The following ARPC5L variants were observed in gnomAD, a reference collection of about 807,000 sequenced individuals.
ARPC5L encodes actin-related protein 2/3 complex subunit 5-like protein.
In ARPC5L, 4 loss-of-function variants were observed where a neutral mutation model predicts 16.9. The observed-to-expected ratio is 0.24, with a 90% confidence interval of 0.12 to 0.54. ARPC5L has a LOEUF of 0.54. Among genes scored for constraint, ARPC5L ranks in the 20% least tolerant of loss-of-function variants. The pLI, the probability that ARPC5L is intolerant of heterozygous loss-of-function variation, is 0.95. For synonymous variants in ARPC5L, 78 were observed against 82.6 expected (o/e 0.94, Z 0.30); for missense variants, 151 against 201.9 (o/e 0.75, Z 1.53).
chr9:124,874,707 TTCTCTCTC>T (rs35052557), intron 4 of ARPC5L, among the ~76,000 whole-genome samples: 6 of 149,474 alleles, frequency 4.0e-5, no homozygotes, highest in African/African-American at 9.8e-5. Context: ...CTCTTTTCTC[TTCTCTCTC>T]TCTCTCTCTC....
In ARPC5L at chr9:124,869,432, C is replaced by T. The variant is rs1231616088; in HGVS notation, c.142C>T (p.Leu48=). 9 of 1,483,072 alleles carry T rather than the reference C, an allele frequency of 6.1e-6. No homozygotes were observed. Among genetic ancestry groups the T allele is most frequent in the African/African-American group, 4.4e-5 (3 of 67,924 alleles). The allele number at this position is 1,483,072 out of a possible 1,614,324, so 91.9% of individuals were successfully genotyped here. Residue 48 remains leucine, a synonymous_variant, in exon 3 of 6, where the codon CTG becomes TTG. Coordinates refer to ENST00000353214, the MANE Select transcript of ARPC5L (RefSeq NM_030978.3). ...GPDPSEVDGL[L]RQGDMLRAFH... is the part of the protein sequence containing the mutation. ...GGACCCGAGCGAGGTGGACGGGCTC[C>T]TGCGGCAATATCCTTCCCTGACGCG...
intron 3 of ARPC5L, among the ~76,000 whole-genome samples, chr9:124,869,984 C>T (rs1250755104): frequency 6.6e-6 from 1 of 152,170 alleles, no homozygotes; most frequent in East Asian, 1.9e-4. Flanking sequence ...AGGCGGCCGC[C>T]GTATTTCAGC....
chr9:124,872,094 G>A (rs1265035930), intron 3 of ARPC5L, among the ~76,000 whole-genome samples: 2 of 152,206 alleles, frequency 1.3e-5, no homozygotes, highest in African/African-American at 2.4e-5. Context: ...AATGGGCCGA[G>A]TGATTGCTGG....
Position 124,869,522 on chromosome 9 carries a change from C to T in ARPC5L, c.149+83C>T, listed in dbSNP as rs754893652. On this transcript the variant is annotated intron_variant, in intron 3 of 5. Transcript: ENST00000353214. ...TCCCACCTTCTCGGGCCCTTTCGGG[C>T]GGGCCTCCCCTGTCTCCGACCCTTG... 43 of 1,392,006 alleles carry T rather than the reference C, an allele frequency of 3.1e-5. No individual in the cohort carries two copies. The Admixed American group carries it at 7.2e-4, about 23-fold the overall frequency. 86.2% of individuals were successfully genotyped at this position (1,392,006 alleles called of 1,614,324 possible).
At chr9:124,869,540 G>A (rs1829325031) in intron 3 of ARPC5L, 101 bp downstream of exon 3, 9 of 1,386,938 alleles carry the variant, frequency 6.5e-6, no homozygotes, top group Non-Finnish European at 8.3e-6. Flanking sequence ...CCCTGTCTCC[G>A]ACCCTTGGCC....
chr9:124,875,086 A>G lies in ARPC5L; in HGVS notation c.334A>G (p.Ile112Val). Reference sequence around the variant, plus strand: ...CGGCGTTGACTTGTTAATGAAGTACATTTATAAAGGCTTTGAGAAGCCCAC... The same window carrying G: ...CGGCGTTGACTTGTTAATGAAGTACGTTTATAAAGGCTTTGAGAAGCCCAC... The part of the protein sequence containing the change: ...RNGVDLLMKY[I>V]YKGFEKPTEN... Residue 112 changes from isoleucine (I) to valine (V), a missense_variant, in exon 5 of 6, where the codon ATT becomes GTT. Transcript: ENST00000353214. 1 of 1,614,174 alleles carries G rather than the reference A, an allele frequency of 6.2e-7. No individual in the cohort carries two copies. The highest frequency in any genetic ancestry group is 8.5e-7 in the Non-Finnish European group (1 of 1,179,982).
In ARPC5L at chr9:124,871,201, A is replaced by G. The variant is rs148094748; in HGVS notation, c.149+1762A>G. On this transcript the variant is annotated intron_variant, in intron 3 of 5. Coordinates refer to ENST00000353214, the MANE Select transcript of ARPC5L (RefSeq NM_030978.3). ...GAGAGGGGCCCTGTCCTGGGGCTGT[A>G]TAGGGAAGTGTGTGTGGCAGGAGAT... is the stretch of plus-strand genomic sequence containing the variant. 8.6e-3 allele frequency among the ~76,000 whole-genome samples: 1,307 copies of G among 152,270 alleles called. 50 individuals are homozygous for G. The highest frequency in any genetic ancestry group is 0.066 in the Admixed American group (1,011 of 15,286).
chr9:124,873,817 G>A (rs971030841), intron 4 of ARPC5L, 53 bp downstream of exon 4: 4 of 1,595,352 alleles, frequency 2.5e-6, no homozygotes, highest in East Asian at 4.5e-5. Flanking sequence ...CAGGGCTGTG[G>A]GTGTCTGCCC....
At position 124,869,072 on chromosome 9, in the gene ARPC5L, C is replaced by G; in HGVS notation, c.-219C>G. On this transcript the variant is annotated 5_prime_UTR_variant, in exon 3 of 6. Transcript: ENST00000353214. ...GAGGCTGCGGTGATCCCATACCGCA[C>G]TCCAGGTGCCAGGCTCCGCCCCGCC... is the stretch of plus-strand genomic sequence containing the variant. The G allele has an allele frequency of 2.3e-6, 1 of 432,178 alleles. No homozygotes were observed. The highest frequency in any genetic ancestry group is 6.8e-5 in the South Asian group (1 of 14,738). The allele number at this position is 432,178 out of a possible 1,614,324, so 26.8% of individuals were successfully genotyped here. A position where few individuals can be genotyped will look rare whatever the true frequency, so the allele number is the denominator to read the frequency against.
Position 124,874,972 on chromosome 9 carries a change from C to T in ARPC5L, c.223-3C>T, listed in dbSNP as rs1363977791. On this transcript the variant is annotated splice_region_variant and splice_polypyrimidine_tract_variant and intron_variant, in intron 4 of 5. Coordinates refer to ENST00000353214, the MANE Select transcript of ARPC5L (RefSeq NM_030978.3). ...GGACTCACTTGCTCTTTTTCGTCTG[C>T]AGGAGCGAGCCCAGGGCGTGGTGCT... The T allele has an allele frequency of 1.2e-6, 2 of 1,613,542 alleles. No individual in the cohort carries two copies. Among genetic ancestry groups the T allele is most frequent in the African/African-American group, 1.3e-5 (1 of 74,898 alleles).
At chr9:124,864,775 A>G (rs1829247675) in intron 2 of ARPC5L, among the ~76,000 whole-genome samples, 1 of 150,628 alleles carries the variant, frequency 6.6e-6, no homozygotes, top group Non-Finnish European at 1.5e-5. Flanking sequence ...AAGTGCTGCG[A>G]TTACAGGCAT....
At chr9:124,876,224 C>A (rs994551640) in intron 5 of ARPC5L, among the ~76,000 whole-genome samples, 1 of 152,078 alleles carries the variant, frequency 6.6e-6, no homozygotes, top group Non-Finnish European at 1.5e-5. Flanking sequence ...GGTGGGCTCA[C>A]GCCTGTAATC....
At chr9:124,873,837 G>A in intron 4 of ARPC5L, 73 bp downstream of exon 4, 1 of 1,570,582 alleles carries the variant, frequency 6.4e-7, no homozygotes, top group Non-Finnish European at 8.7e-7. Flanking sequence ...CAGTGCGAGT[G>A]TGAGCTTTCA....
At position 124,868,442 on chromosome 9, in the gene ARPC5L, G is replaced by A. The variant is rs549550043; in HGVS notation, c.-849G>A. ...CCCCATCTCAGATTCTGAGAATTTG[G>A]TTTCTGTCAAGATGTGCCTCTCCAG... is the stretch of plus-strand genomic sequence containing the variant. On this transcript the variant is annotated 5_prime_UTR_variant, in exon 3 of 6. Transcript: ENST00000353214. 6.6e-6 allele frequency: 1 copy of A among 152,304 alleles called. No individual in the cohort carries two copies. Among genetic ancestry groups the A allele is most frequent in the East Asian group, 1.9e-4 (1 of 5,178 alleles). The allele number at this position is 152,304 out of a possible 1,614,324, so 9.4% of individuals were successfully genotyped here. A position where few individuals can be genotyped will look rare whatever the true frequency, so the allele number is the denominator to read the frequency against.
Position 124,876,966 on chromosome 9 carries a change from T to G in ARPC5L, c.*26T>G. On this transcript the variant is annotated 3_prime_UTR_variant, in exon 6 of 6. Coordinates refer to ENST00000353214, the MANE Select transcript of ARPC5L (RefSeq NM_030978.3). ...AAAAAATAAAAAGACTCATGTTACC[T>G]TGAGAAGAATTCTGGATGCCCAGGC... 6.3e-7 allele frequency: 1 copy of G among 1,584,648 alleles called. No individual in the cohort carries two copies. The highest frequency in any genetic ancestry group is 8.6e-7 in the Non-Finnish European group (1 of 1,161,630).
Position 124,869,142 on chromosome 9 carries a change from C to G in ARPC5L, c.-149C>G. 1.1e-6 allele frequency: 1 copy of G among 931,892 alleles called. No individual in the cohort carries two copies. 57.7% of individuals were successfully genotyped at this position (931,892 alleles called of 1,614,324 possible). On this transcript the variant is annotated 5_prime_UTR_variant, in exon 3 of 6. Transcript: ENST00000353214. ...CCGGCGGGTGCCGGAAGTGGGCGGG[C>G]GGCGGCGGCTGCGCGCGGAGGCGGT...
chr9:124,876,784 T>C, intron 5 of ARPC5L, 94 bp from the exon 6 acceptor site: 1 of 961,926 alleles, frequency 1.0e-6, no homozygotes, highest in South Asian at 1.5e-5. Context: ...TGACGGGATC[T>C]AGGTCAGGGA....
At position 124,869,324 on chromosome 9, in the gene ARPC5L, C is replaced by A; in HGVS notation, c.34C>A (p.Arg12=). ...ARNTLSSRFR[R]VDIDEFDENK... ...GAACACGCTGTCCTCGCGCTTCCGC[C>A]GGGTGGACATCGACGAATTTGACGA... Residue 12 remains arginine, a synonymous_variant, in exon 3 of 6, where the codon CGG becomes AGG. Coordinates refer to ENST00000353214, the MANE Select transcript of ARPC5L (RefSeq NM_030978.3). The A allele has an allele frequency of 6.5e-7, 1 of 1,531,642 alleles. No individual in the cohort carries two copies. The highest frequency in any genetic ancestry group is 2.7e-5 in the East Asian group (1 of 37,626). 94.9% of individuals were successfully genotyped at this position (1,531,642 alleles called of 1,614,324 possible). A position where few individuals can be genotyped will look rare whatever the true frequency, so the allele number is the denominator to read the frequency against.
chr9:124,869,588 T>A (rs977445516), intron 3 of ARPC5L, 149 bp downstream of exon 3: 22 of 1,318,552 alleles, frequency 1.7e-5, no homozygotes, highest in Non-Finnish European at 2.1e-5. Flanking sequence ...CGACCCGGCT[T>A]CCCTGGGCCG....
Sources: allele counts gnomAD v4.1 joint callset (sites outside exome capture counted in the v4.1 genomes callset), GRCh38; gene constraint gnomAD v4.1.1; transcripts MANE v1.5; gene names NCBI Gene and HGNC (gene_info 2026-07-23, HGNC 2026-07-21).